Variants in CCDC57 observed in about 807,000 individuals in gnomAD.
The protein encoded by CCDC57 is coiled-coil domain-containing protein 57.
A neutral mutation model predicts 118.9 loss-of-function variants in CCDC57; 118 were observed. That is an observed-to-expected ratio of 0.99 (90% CI 0.86 to 1.16). CCDC57 has a LOEUF of 1.16. Ranked by LOEUF, CCDC57 falls within the 50% of genes most tolerant of loss-of-function variation. The pLI is 0.00. For synonymous variants in CCDC57, 527 were observed against 532.9 expected, an observed-to-expected ratio of 0.99 and a Z score of 0.15; for missense variants, 1,300 against 1,320.7, an observed-to-expected ratio of 0.98 and a Z score of 0.24.
chr17:82,169,673 T>C lies in CCDC57; in HGVS notation c.1882+2028A>G, dbSNP rs77424068. On this transcript the variant is annotated intron_variant, in intron 13 of 19. Coordinates refer to ENST00000665763, the Ensembl canonical transcript of CCDC57. ...ATAGGGGAAGGGGCCACAGCAGCAA[T>C]GGGGGATTGGTTACACCAAGAGGAC... Among the ~76,000 whole-genome samples, 5 of 151,926 alleles carry C rather than the reference T, an allele frequency of 3.3e-5. No homozygotes were observed. The East Asian group carries it at 9.7e-4, about 29-fold the overall frequency.
intron 11 of CCDC57, among the ~76,000 whole-genome samples, chr17:82,176,881 AGAGCAGTCTTTAGCCT>A (rs2045584225): frequency 6.6e-6 from 1 of 150,952 alleles, no homozygotes; most frequent in Non-Finnish European, 1.5e-5. Flanking sequence ...AGGATGGTAG[AGAGCAGTCTTTAGCCT>A]GAGACCTATC....
chr17:82,210,974 G>T (rs2050139050), intron 1 of CCDC57, among the ~76,000 whole-genome samples: 2 of 141,734 alleles, frequency 1.4e-5, no homozygotes, highest in Admixed American at 7.3e-5. Flanking sequence ...AGCCTGGGCG[G>T]CAAAGAGAGA....
intron 16 of CCDC57, among the ~76,000 whole-genome samples, chr17:82,145,419 C>T (rs1181208772): frequency 1.3e-5 from 2 of 151,876 alleles, no homozygotes; most frequent in East Asian, 2.0e-4. Context: ...TGGTGGCGGG[C>T]GCCTGTAATA....
chr17:82,114,523 C>T (rs894183300), intron 19 of CCDC57, among the ~76,000 whole-genome samples: 8 of 152,302 alleles, frequency 5.3e-5, no homozygotes, highest in African/African-American at 1.9e-4. Context: ...AGCACAGGAC[C>T]CCAGGCAGGG....
At chr17:82,128,014 G>T in intron 18 of CCDC57, 106 bp from the exon 18 acceptor site, 1 of 1,467,914 alleles carries the variant, frequency 6.8e-7, no homozygotes, top group Non-Finnish European at 9.1e-7. Flanking sequence ...CAGTGGGCCT[G>T]GCTTAAAGGC....
intron 16 of CCDC57, among the ~76,000 whole-genome samples, chr17:82,135,967 TA>T (rs1186748729): frequency 6.6e-6 from 1 of 151,880 alleles, no homozygotes; most frequent in African/African-American, 2.4e-5. Context: ...TATTCTTAAT[TA>T]AAAAAAACCC....
chr17:82,196,288 G>A (rs1228189028), intron 4 of CCDC57, among the ~76,000 whole-genome samples: 3 of 152,194 alleles, frequency 2.0e-5, no homozygotes, highest in Non-Finnish European at 2.9e-5. Flanking sequence ...TACTGACCAC[G>A]GATTTTAGAC....
rs1032338198 is a variant in CCDC57, at chr17:82,172,340, C to T, written c.1729+298G>A. 3.3e-5 allele frequency among the ~76,000 whole-genome samples: 5 copies of T among 152,214 alleles called. No homozygotes were observed. The highest frequency in any genetic ancestry group is 7.2e-5 in the African/African-American group (3 of 41,460). ...CTGCTACCAACCCATTCTGGGACAG[C>T]GCGACAGCAAGCCAGCCCTGGTCCA... is the stretch of plus-strand genomic sequence containing the variant. On this transcript the variant is annotated intron_variant, in intron 12 of 19. Coordinates refer to ENST00000665763, the Ensembl canonical transcript of CCDC57. This position sits in a 1 kb window ranked among gnomAD's most constrained non-coding sequence, Gnocchi z 5.2.
intron 2 of CCDC57, among the ~76,000 whole-genome samples, chr17:82,203,455 TGATA>T (rs2049234846): frequency 6.6e-6 from 1 of 152,312 alleles, no homozygotes; most frequent in Middle Eastern, 3.4e-3. Flanking sequence ...CATCATGGAC[TGATA>T]TTTTGGTAAA....
At chr17:82,158,867 T>C (rs2042987989) in intron 14 of CCDC57, among the ~76,000 whole-genome samples, 1 of 117,192 alleles carries the variant, frequency 8.5e-6, no homozygotes, top group African/African-American at 3.3e-5. Context: ...CTATTTCTAT[T>C]TTTAGAGACA....
chr17:82,212,085 A>C lies in CCDC57; in HGVS notation c.-211+700T>G. ...CTTCTTCGGGGCCGAGGGAATTTGC[A>C]GCTCTAGCAGTCTGTCAGTCGCTGG... On this transcript the variant is annotated intron_variant, in intron 1 of 19. Coordinates refer to ENST00000665763, the Ensembl canonical transcript of CCDC57. The surrounding 1 kb of genome is among the most constrained non-coding windows in gnomAD (Gnocchi z 4.1). 6.6e-6 allele frequency among the ~76,000 whole-genome samples: 1 copy of C among 152,208 alleles called. No homozygotes were observed. The highest frequency in any genetic ancestry group is 1.5e-5 in the Non-Finnish European group (1 of 68,038).
chr17:82,107,269 C>T (rs2034919579), intron 19 of CCDC57: 1 of 382,990 alleles, frequency 2.6e-6, no homozygotes, highest in Non-Finnish European at 5.3e-6. Context: ...TTTTTGGTTC[C>T]CCTGGGAAAA....
intron 8 of CCDC57, among the ~76,000 whole-genome samples, chr17:82,187,812 G>T (rs1212702482): frequency 4.9e-5 from 6 of 122,542 alleles, no homozygotes; most frequent in African/African-American, 1.9e-4. Flanking sequence ...GCTGGCAGGG[G>T]TTGGCTGGGG....
At chr17:82,133,517 G>T (rs8065981) in intron 17 of CCDC57, among the ~76,000 whole-genome samples, 68,227 of 145,188 alleles carry the variant, frequency 0.47, 16,882 homozygotes, top group East Asian at 0.88. Context: ...ACCCAGATAT[G>T]TAAAGCTATA....
chr17:82,145,639 T>C (rs557242724), intron 16 of CCDC57, among the ~76,000 whole-genome samples: 2 of 152,232 alleles, frequency 1.3e-5, no homozygotes, highest in Non-Finnish European at 2.9e-5. Context: ...CATGTGCAGC[T>C]GATTTCTGGA....
chr17:82,211,376 A>G (rs1048431334), intron 1 of CCDC57, among the ~76,000 whole-genome samples: 3 of 152,208 alleles, frequency 2.0e-5, no homozygotes, highest in African/African-American at 7.2e-5. Context: ...GTAGCTGCTA[A>G]GCAAGAATAA....
chr17:82,166,584 C>T (rs1189917132), intron 13 of CCDC57, among the ~76,000 whole-genome samples: 2 of 151,976 alleles, frequency 1.3e-5, no homozygotes, highest in East Asian at 3.9e-4. Flanking sequence ...AAACTTATGG[C>T]AAAATGAAAG....
intron 15 of CCDC57, 142 bp downstream of exon 14, chr17:82,157,606 T>C: frequency 1.4e-6 from 2 of 1,441,336 alleles, no homozygotes; most frequent in African/African-American, 1.4e-5. Flanking sequence ...CAGGGCCCAC[T>C]TCCAGGCACG....
chr17:82,178,276 A>G (rs758402602), intron 11 of CCDC57, among the ~76,000 whole-genome samples, 198 bp downstream of exon 10: 2 of 152,186 alleles, frequency 1.3e-5, no homozygotes, highest in Non-Finnish European at 2.9e-5. Flanking sequence ...AAACTTTCGA[A>G]TATGAAAGAT....
Sources: allele counts gnomAD v4.1 joint callset (sites outside exome capture counted in the v4.1 genomes callset), GRCh38; gene constraint gnomAD v4.1.1; non-coding constraint Gnocchi (gnomAD v3.1); transcripts MANE v1.5; gene names NCBI Gene and HGNC (gene_info 2026-07-23, HGNC 2026-07-21).